APP: variants seen among roughly 807,000 people sequenced by gnomAD.
APP encodes the protein amyloid-beta precursor protein.
A neutral mutation model predicts 101.4 loss-of-function variants in APP; 31 were observed. That is an observed-to-expected ratio of 0.31 (90% CI 0.23 to 0.41). The LOEUF (loss-of-function observed/expected upper bound fraction) is 0.41, where lower values mean the gene tolerates loss of function less well. Among genes scored for constraint, APP ranks in the 10% least tolerant of loss-of-function variants. APP has a pLI of 1.00. For missense variants in APP, 839 were observed against 1,003.7 expected (o/e 0.84, Z 2.22); for synonymous variants, 366 against 364.4 (o/e 1.00, Z -0.05).
At chr21:25,989,500 G>A (rs7276205) in intron 8 of APP, among the ~76,000 whole-genome samples, 45,822 of 152,032 alleles carry the variant, frequency 0.3, 7,688 homozygotes, top group African/African-American at 0.45. Context: ...AAGAAGAAAT[G>A]ACCCACCTTC....
chr21:25,961,511 A>G (rs1465990155), intron 11 of APP, among the ~76,000 whole-genome samples: 1 of 152,122 alleles, frequency 6.6e-6, no homozygotes, highest in Non-Finnish European at 1.5e-5. Flanking sequence ...CTTTTGATAT[A>G]TGATTCCTGC....
At chr21:25,961,919 C>A (rs1253854245) in intron 11 of APP, among the ~76,000 whole-genome samples, 1 of 151,008 alleles carries the variant, frequency 6.6e-6, no homozygotes, top group African/African-American at 2.4e-5. Context: ...TTTTTTTTAA[C>A]CTGCAGGCAT....
intron 11 of APP, among the ~76,000 whole-genome samples, chr21:25,959,981 G>A (rs890687503): frequency 6.6e-5 from 10 of 152,138 alleles, no homozygotes; most frequent in African/African-American, 9.7e-5. Context: ...TTCCCGGACT[G>A]AACTGAGGGT....
chr21:25,976,525 AAAG>A (rs1426846737), intron 9 of APP, among the ~76,000 whole-genome samples: 1 of 152,232 alleles, frequency 6.6e-6, no homozygotes, highest in Admixed American at 6.5e-5. Context: ...GGGGGAAGAA[AAAG>A]AAGACTTCTG....
intron 13 of APP, among the ~76,000 whole-genome samples, chr21:25,918,053 G>A (rs2039440486): frequency 6.6e-6 from 1 of 152,244 alleles, no homozygotes. Flanking sequence ...CGAGGATGCG[G>A]AGAAATAGGC....
chr21:26,141,216 A>G (rs2063038459), intron 1 of APP, among the ~76,000 whole-genome samples: 1 of 152,228 alleles, frequency 6.6e-6, no homozygotes. Context: ...TTTCTAAATT[A>G]TATGTCATTG....
intron 1 of APP, among the ~76,000 whole-genome samples, chr21:26,125,334 A>T (rs1002181122): frequency 6.6e-6 from 1 of 152,146 alleles, no homozygotes; most frequent in East Asian, 1.9e-4. Flanking sequence ...GGCTCTGTTG[A>T]TTGGTATAAA....
At chr21:25,946,591 G>C (rs569384473) in intron 13 of APP, among the ~76,000 whole-genome samples, 4 of 152,102 alleles carry the variant, frequency 2.6e-5, no homozygotes, top group Non-Finnish European at 5.9e-5. Context: ...GCTTGAATCC[G>C]TAAGGCGGAG....
At chr21:25,918,528 C>T (rs958127132) in intron 13 of APP, among the ~76,000 whole-genome samples, 4 of 151,954 alleles carry the variant, frequency 2.6e-5, no homozygotes, top group African/African-American at 7.2e-5. Context: ...GTGCGTGCAC[C>T]GTGCGCGAGC....
At chr21:26,148,544 A>AC (rs1232468999) in intron 1 of APP, among the ~76,000 whole-genome samples, 1 of 152,244 alleles carries the variant, frequency 6.6e-6, no homozygotes. Flanking sequence ...CAAATAAGTT[A>AC]TTCTGTTTTC....
intron 2 of APP, among the ~76,000 whole-genome samples, chr21:26,102,146 C>T (rs7277057): frequency 0.78 from 113,022 of 145,282 alleles, 43,893 homozygotes; most frequent in South Asian, 0.9. Flanking sequence ...TGGAGTGCAG[C>T]GGCGCGATCT....
chr21:25,917,244 G>C (rs1455184852), intron 13 of APP, among the ~76,000 whole-genome samples: 1 of 137,900 alleles, frequency 7.3e-6, no homozygotes, highest in Non-Finnish European at 1.5e-5. Flanking sequence ...CTAGGCAACC[G>C]AGTAAGACTC....
intron 15 of APP, among the ~76,000 whole-genome samples, chr21:25,902,000 A>C (rs1425379388): frequency 6.6e-6 from 1 of 152,140 alleles, no homozygotes; most frequent in Non-Finnish European, 1.5e-5. Flanking sequence ...TTTCTTTGGA[A>C]GTAAGCCAGG....
At chr21:25,920,021 C>T (rs1178533359) in intron 13 of APP, among the ~76,000 whole-genome samples, 7 of 114,514 alleles carry the variant, frequency 6.1e-5, no homozygotes, top group Non-Finnish European at 1.1e-4. Context: ...AGACTAACAG[C>T]GGATCTCTCG....
chr21:26,074,806 A>G (rs924980172), intron 3 of APP, among the ~76,000 whole-genome samples: 5 of 152,176 alleles, frequency 3.3e-5, no homozygotes, highest in Non-Finnish European at 7.3e-5. Flanking sequence ...TGAAACTATT[A>G]TAAATGAATC....
chr21:26,015,287 A>G (rs553845324), intron 6 of APP, among the ~76,000 whole-genome samples: 2 of 152,190 alleles, frequency 1.3e-5, no homozygotes, highest in Admixed American at 1.3e-4. Context: ...CTAAGAGAGC[A>G]ACTAAGGTTA....
chr21:25,896,038 C>T (rs765308756), intron 16 of APP, among the ~76,000 whole-genome samples: 34 of 152,140 alleles, frequency 2.2e-4, no homozygotes, highest in Non-Finnish European at 4.3e-4. Flanking sequence ...CCCCAGGCCC[C>T]GACAAATGCA....
At chr21:25,916,107 C>T (rs760746015) in intron 13 of APP, among the ~76,000 whole-genome samples, 4 of 152,104 alleles carry the variant, frequency 2.6e-5, no homozygotes, top group Admixed American at 6.5e-5. Context: ...TGGGTTCAAG[C>T]GATTCTCCTG....
intron 16 of APP, among the ~76,000 whole-genome samples, chr21:25,894,610 A>G (rs902743029): frequency 6.6e-6 from 1 of 152,240 alleles, no homozygotes; most frequent in African/African-American, 2.4e-5. Flanking sequence ...GCCTAAAGAC[A>G]TGACTGAACT....
Sources: gnomAD v4.1 joint callset for allele counts (sites outside exome capture counted in the v4.1 genomes callset) on GRCh38, gnomAD v4.1.1 for gene constraint, MANE v1.5 for transcripts, NCBI Gene and HGNC (gene_info 2026-07-23, HGNC 2026-07-21) for gene names.